The following FCN2 variants were observed in gnomAD, a reference collection of about 807,000 sequenced individuals.
The protein encoded by FCN2 is ficolin 2, also known as ficolin-2.
In FCN2, 31 loss-of-function variants were observed where a neutral mutation model predicts 32.5. The ratio of observed to expected loss-of-function variants is 0.96; its 90% CI spans 0.72 to 1.29. The LOEUF (loss-of-function observed/expected upper bound fraction) is 1.29. Ranked by LOEUF, FCN2 falls within the 50% of genes most tolerant of loss-of-function variation. The pLI is 0.00. For missense variants in FCN2, 412 were observed against 406.5 expected, an observed-to-expected ratio of 1.01 and a Z score of -0.12; for synonymous variants, 181 against 164.5, an observed-to-expected ratio of 1.10 and a Z score of -0.77.
chr9:134,864,679 G>A, the FCN2 span, among the ~76,000 whole-genome samples: 2 of 152,126 alleles, frequency 1.3e-5, no homozygotes, highest in Non-Finnish European at 2.9e-5. Flanking sequence ...TCAGCCCCCC[G>A]GTGGGTAGAA....
At chr9:134,870,559 C>T in the FCN2 span, among the ~76,000 whole-genome samples, 1 of 152,244 alleles carries the variant, frequency 6.6e-6, no homozygotes, top group East Asian at 1.9e-4. This position sits in a 1 kb window ranked among gnomAD's most constrained non-coding sequence, Gnocchi z 4.3. Flanking sequence ...CGGGGGGTGC[C>T]CTGGGTGCCT....
Position 134,887,388 on chromosome 9 carries a change from G to A in FCN2, c.915G>A (p.Val305=), listed in dbSNP as rs1830776127. Residue 305 remains valine (V), a synonymous_variant, in exon 8 of 8, where the codon GTG becomes GTA. Transcript: ENST00000291744. ...AAGGATACAATTATAGCTACAAGGT[G>A]TCAGAGATGAAGGTGCGACCTGCCT... ...SGKGYNYSYK[V]SEMKVRPA 1 of 1,614,140 alleles carries A rather than the reference G, an allele frequency of 6.2e-7. No individual in the cohort carries two copies. The highest frequency in any genetic ancestry group is 8.5e-7 in the Non-Finnish European group (1 of 1,180,000).
intron 2 of FCN2, 146 bp from the exon 3 acceptor site, chr9:134,883,156 G>T: frequency 1.3e-6 from 1 of 760,336 alleles, no homozygotes; most frequent in East Asian, 2.5e-5. Flanking sequence ...GGTGCAGGAT[G>T]GGCAAGCCTG....
chr9:134,869,167 C>T, the FCN2 span, among the ~76,000 whole-genome samples: 1 of 152,214 alleles, frequency 6.6e-6, no homozygotes, highest in South Asian at 2.1e-4. Flanking sequence ...TTCCTGCCAC[C>T]TGCCTCCTAG....
Position 134,885,460 on chromosome 9 carries a change from C to T in FCN2, c.429+94C>T. The T allele has an allele frequency of 1.9e-6, 3 of 1,544,506 alleles. No homozygotes were observed. The South Asian group carries it at 3.5e-5, about 18-fold the overall frequency. On this transcript the variant is annotated intron_variant, in intron 5 of 7. Transcript: ENST00000291744. ...AGAACACACTCTGGAATTCTCTATT[C>T]TCCTGGTCGGGGACAGTCAGAGATG...
At chr9:134,865,604 CT>C in the FCN2 span, among the ~76,000 whole-genome samples, 2 of 151,950 alleles carry the variant, frequency 1.3e-5, no homozygotes, top group Non-Finnish European at 2.9e-5. Context: ...GTGGTCTACA[CT>C]TGTTCTGACC....
upstream of FCN2, chr9:134,880,801 T>C (rs1053435084): frequency 6.2e-7 from 1 of 1,602,248 alleles, no homozygotes; most frequent in Middle Eastern, 1.7e-4. Context: ...CAGGCACCTT[T>C]TGAAGCAAAG....
chr9:134,885,504 G>A (rs758738886), intron 5 of FCN2, 138 bp downstream of exon 5: 2 of 1,435,254 alleles, frequency 1.4e-6, no homozygotes, highest in Admixed American at 2.1e-5. Context: ...GATGACCGGT[G>A]GGTAAAAGTC....
chr9:134,880,798 C>G, upstream of FCN2: 1 of 1,596,640 alleles, frequency 6.3e-7, no homozygotes, highest in South Asian at 1.1e-5. Context: ...GGGCAGGCAC[C>G]TTTTGAAGCA....
chr9:134,864,841 G>C, the FCN2 span, among the ~76,000 whole-genome samples: 5 of 152,346 alleles, frequency 3.3e-5, no homozygotes, highest in Admixed American at 3.3e-4. Context: ...CCAGACAGAG[G>C]CTCAAAGAAA....
At chr9:134,882,738 G>A (rs1830683431) in intron 2 of FCN2, 99 bp downstream of exon 2, 2 of 812,128 alleles carry the variant, frequency 2.5e-6, no homozygotes, top group Non-Finnish European at 4.0e-6. Context: ...ATCGAGAGCT[G>A]GGTCAGGCCC....
At chr9:134,866,063 C>T in the FCN2 span, among the ~76,000 whole-genome samples, 2 of 150,964 alleles carry the variant, frequency 1.3e-5, no homozygotes, top group African/African-American at 2.4e-5. Flanking sequence ...GCCATACTGC[C>T]CAAGGTAATT....
the FCN2 span, among the ~76,000 whole-genome samples, chr9:134,867,240 CA>C: frequency 7.2e-6 from 1 of 139,708 alleles, no homozygotes; most frequent in South Asian, 2.4e-4. Flanking sequence ...GGAACCAACC[CA>C]AATGTCCAAC....
the FCN2 span, among the ~76,000 whole-genome samples, chr9:134,865,944 C>T: frequency 6.6e-6 from 1 of 151,232 alleles, no homozygotes; most frequent in African/African-American, 2.4e-5. Flanking sequence ...ATGTGAAGGA[C>T]CTCTTCGAGG....
chr9:134,873,584 G>A, the FCN2 span, among the ~76,000 whole-genome samples: 1 of 152,204 alleles, frequency 6.6e-6, no homozygotes, highest in African/African-American at 2.4e-5. Flanking sequence ...CATCTCATTT[G>A]CATTTTGCCA....
chr9:134,883,797 G>A (rs537790683), intron 3 of FCN2, among the ~76,000 whole-genome samples: 1 of 144,976 alleles, frequency 6.9e-6, no homozygotes, highest in African/African-American at 2.6e-5. Context: ...ATTCTGGGAT[G>A]GGGGAGAGGT....
the FCN2 span, among the ~76,000 whole-genome samples, chr9:134,873,899 G>GGTTTTTTTTGTTTT: frequency 2.2e-5 from 1 of 45,498 alleles, no homozygotes. Flanking sequence ...TTTGTTTTTT[G>GGTTTTTTTTGTTTT]TTTTTTTTTG....
At chr9:134,868,502 CCA>C in the FCN2 span, 2 of 158,462 alleles carry the variant, frequency 1.3e-5, no homozygotes, top group Admixed American at 6.4e-5. The surrounding 1 kb of genome is among the most constrained non-coding windows in gnomAD (Gnocchi z 4.3). Flanking sequence ...GAGGTTCTCT[CCA>C]CACACCCTGG....
At chr9:134,883,393 C>G (rs779220223) in intron 3 of FCN2, 38 bp downstream of exon 3, 1 of 1,567,278 alleles carries the variant, frequency 6.4e-7, no homozygotes, top group Admixed American at 1.7e-5. Flanking sequence ...GCTTCAAGGC[C>G]CTTCCAGACC....
Sources: gnomAD v4.1 joint callset for allele counts (sites outside exome capture counted in the v4.1 genomes callset) on GRCh38, gnomAD v4.1.1 for gene constraint, Gnocchi (gnomAD v3.1) non-coding constraint, MANE v1.5 for transcripts, NCBI Gene and HGNC (gene_info 2026-07-23, HGNC 2026-07-21) for gene names.